Variants in FANCC observed in about 807,000 individuals in gnomAD.
FANCC encodes Fanconi anemia group C protein.
Under a neutral mutation model 71.3 loss-of-function variants are expected in FANCC, and 55 were observed. The observed-to-expected ratio is 0.77, with a 90% CI of 0.62 to 0.97. The LOEUF is 0.97. FANCC is among the 50% of genes least tolerant of loss of function. The probability of loss-of-function intolerance (pLI) is 0.00; values close to 1 mark genes in which losing one functional copy is unlikely to be tolerated. For missense variants in FANCC, 678 were observed against 670.9 expected (o/e 1.01, Z -0.12); for synonymous variants, 275 against 244.9 (o/e 1.12, Z -1.15).
intron 4 of FANCC, among the ~76,000 whole-genome samples, chr9:95,179,644 GC>G (rs578158967): frequency 1.2e-4 from 18 of 152,300 alleles, no homozygotes; most frequent in African/African-American, 4.3e-4. Context: ...ACCATGCCCA[GC>G]CGGTATTCTA....
At chr9:95,254,224 T>C (rs1304696282) in intron 1 of FANCC, among the ~76,000 whole-genome samples, 1 of 152,282 alleles carries the variant, frequency 6.6e-6, no homozygotes, top group Non-Finnish European at 1.5e-5. Flanking sequence ...ATCGTATTTA[T>C]ATGCTTTTCA....
chr9:95,278,636 G>C (rs1455849572), intron 1 of FANCC, among the ~76,000 whole-genome samples: 1 of 152,108 alleles, frequency 6.6e-6, no homozygotes, highest in Non-Finnish European at 1.5e-5. Flanking sequence ...GTGTCACTAA[G>C]CAATGATGTG....
intron 1 of FANCC, among the ~76,000 whole-genome samples, chr9:95,290,142 A>G (rs1833920749): frequency 6.6e-6 from 1 of 152,186 alleles, no homozygotes; most frequent in East Asian, 1.9e-4. Flanking sequence ...CCAGAAGAGT[A>G]ATGTTCAAGC....
intron 1 of FANCC, among the ~76,000 whole-genome samples, chr9:95,289,068 C>T (rs1833859259): frequency 6.6e-6 from 1 of 152,096 alleles, no homozygotes; most frequent in African/African-American, 2.4e-5. Flanking sequence ...TGCCACTGCA[C>T]TCCAGCCTAG....
At chr9:95,262,989 G>T (rs1350274067) in intron 1 of FANCC, among the ~76,000 whole-genome samples, 1 of 152,150 alleles carries the variant, frequency 6.6e-6, no homozygotes, top group Non-Finnish European at 1.5e-5. Flanking sequence ...TTTCTGTTTG[G>T]GATAACGGGA....
intron 8 of FANCC, chr9:95,127,369 G>A (rs1175318536): frequency 1.3e-5 from 2 of 152,204 alleles, no homozygotes; most frequent in South Asian, 4.2e-4. Context: ...TAACTTTCTC[G>A]GCACCAGGTA....
chr9:95,269,764 C>A, intron 1 of FANCC, among the ~76,000 whole-genome samples: 1 of 151,946 alleles, frequency 6.6e-6, no homozygotes. Context: ...ACTCTGGGAA[C>A]CATTATTGTA....
chr9:95,289,857 C>T (rs944704878), intron 1 of FANCC, among the ~76,000 whole-genome samples: 1 of 152,050 alleles, frequency 6.6e-6, no homozygotes, highest in Non-Finnish European at 1.5e-5. Flanking sequence ...CAGGGTCTTG[C>T]TATGTTGCCC....
At chr9:95,203,730 T>C (rs1050884859) in intron 4 of FANCC, among the ~76,000 whole-genome samples, 7 of 152,228 alleles carry the variant, frequency 4.6e-5, no homozygotes, top group Non-Finnish European at 1.0e-4. Context: ...AAATATGTTT[T>C]CCAAAACAAA....
At chr9:95,181,464 A>G (rs1826362299) in intron 4 of FANCC, among the ~76,000 whole-genome samples, 1 of 152,152 alleles carries the variant, frequency 6.6e-6, no homozygotes. Context: ...AAATAGTCTA[A>G]ACACAAAACC....
intron 1 of FANCC, among the ~76,000 whole-genome samples, chr9:95,259,389 C>A (rs1173476170): frequency 6.6e-6 from 1 of 152,138 alleles, no homozygotes; most frequent in Non-Finnish European, 1.5e-5. Flanking sequence ...AATAACGCCA[C>A]CCATCTACAA....
At chr9:95,317,443 C>T (rs562241312) in intron 1 of FANCC, 83 bp downstream of exon 1, 2 of 152,570 alleles carry the variant, frequency 1.3e-5, no homozygotes, top group African/African-American at 4.8e-5. Flanking sequence ...CTCGCCTCCT[C>T]CTCCCGCTCT....
intron 4 of FANCC, among the ~76,000 whole-genome samples, chr9:95,178,156 C>T (rs1252815512): frequency 6.6e-6 from 1 of 152,074 alleles, no homozygotes; most frequent in East Asian, 1.9e-4. Context: ...CACCCCTGCT[C>T]TAGTCTCTTC....
At chr9:95,301,035 TTGG>T (rs999434703) in intron 1 of FANCC, among the ~76,000 whole-genome samples, 100 of 152,222 alleles carry the variant, frequency 6.6e-4, no homozygotes, top group Admixed American at 2.3e-3. Context: ...CTGCAATTAT[TTGG>T]TGGTGAGTGC....
rs1012644733 is a variant in FANCC, at chr9:95,150,176, G to A, written c.522-89C>T. 2.0e-5 allele frequency: 27 copies of A among 1,374,668 alleles called. No individual in the cohort carries two copies. In the African/African-American group the frequency reaches 3.0e-4, roughly 15 times the overall value. The allele number at this position is 1,374,668 out of a possible 1,614,324, so 85.2% of individuals were successfully genotyped here. On this transcript the variant is annotated intron_variant, in intron 6 of 14. Transcript: ENST00000289081. ...AAACCTTCATGCTAAAAAGGTCAAA[G>A]ACAGATCACCTGTTTTGCCTCTAAA...
chr9:95,182,867 T>G (rs1826461860), intron 4 of FANCC, among the ~76,000 whole-genome samples: 1 of 151,896 alleles, frequency 6.6e-6, no homozygotes. Flanking sequence ...AAAGAATGCA[T>G]GTGTGATGTC....
At chr9:95,191,250 T>C (rs1438038905) in intron 4 of FANCC, among the ~76,000 whole-genome samples, 2 of 151,192 alleles carry the variant, frequency 1.3e-5, no homozygotes, top group African/African-American at 2.4e-5. Context: ...CTCCCTCCTA[T>C]GGCCCAGGGT....
chr9:95,294,622 A>G lies in FANCC; in HGVS notation c.-79+22904T>C, dbSNP rs564809088. 2.0e-4 allele frequency: 311 copies of G among 1,572,560 alleles called. 8 individuals carry two copies. In the South Asian group the frequency reaches 3.3e-3, roughly 17 times the overall value. On this transcript the variant is annotated intron_variant, in intron 1 of 14. Coordinates refer to ENST00000289081, the MANE Select transcript of FANCC (RefSeq NM_000136.3). ...TCTAGAAAGCAAAGTTCAGTTGAAC[A>G]GTATAGAAACACAGACCATGAGTTC...
At chr9:95,161,088 C>G (rs188503635) in intron 6 of FANCC, among the ~76,000 whole-genome samples, 1 of 152,276 alleles carries the variant, frequency 6.6e-6, no homozygotes, top group African/African-American at 2.4e-5. Context: ...GAAAATACCA[C>G]AGCCCTAAAA....
Sources: gnomAD v4.1 joint callset for allele counts (sites outside exome capture counted in the v4.1 genomes callset) on GRCh38, gnomAD v4.1.1 for gene constraint, MANE v1.5 for transcripts, NCBI Gene and HGNC (gene_info 2026-07-23, HGNC 2026-07-21) for gene names.